Variants in FNBP1 observed in about 807,000 individuals in gnomAD.
The protein encoded by FNBP1 is formin binding protein 1.
Under a neutral mutation model 90.6 loss-of-function variants are expected in FNBP1, and 26 were observed. The observed-to-expected ratio is 0.29, with a 90% confidence interval of 0.21 to 0.40. The LOEUF is 0.40. Among genes scored for constraint, FNBP1 ranks in the 10% least tolerant of loss-of-function variants. The pLI is 1.00. For synonymous variants in FNBP1, 260 were observed against 265.2 expected (o/e 0.98, Z 0.19); for missense variants, 635 against 768.0 (o/e 0.83, Z 2.05).
chr9:129,970,709 C>T (rs566960855), intron 4 of FNBP1, among the ~76,000 whole-genome samples: 1 of 152,190 alleles, frequency 6.6e-6, no homozygotes, highest in South Asian at 2.1e-4. Flanking sequence ...AATGCAATTG[C>T]CCTAAGTGGA....
chr9:129,965,608 C>T (rs528519434), intron 4 of FNBP1, among the ~76,000 whole-genome samples: 20 of 152,074 alleles, frequency 1.3e-4, no homozygotes, highest in Middle Eastern at 3.4e-3. Context: ...TTTGAGAGGC[C>T]GAGGCAGGGG....
In FNBP1 at chr9:130,017,206, AG is replaced by A. The variant is rs757285026; in HGVS notation, c.25-22249del. Among the ~76,000 whole-genome samples the A allele has an allele frequency of 7.2e-5, 11 of 152,342 alleles. No individual in the cohort carries two copies. The East Asian group carries it at 1.7e-3, about 24-fold the overall frequency. On this transcript the variant is annotated intron_variant, in intron 1 of 16. Coordinates refer to ENST00000446176, the MANE Select transcript of FNBP1 (RefSeq NM_015033.3). ...AGATCAGCTGCAAAAAAAAGCTAAA[AG>A]TCTCTAGTACATGGCTGCCTTCCCT... is the stretch of plus-strand genomic sequence containing the variant.
At chr9:129,925,602 T>C (rs1348479585) in intron 8 of FNBP1, among the ~76,000 whole-genome samples, 2 of 128,912 alleles carry the variant, frequency 1.6e-5, no homozygotes, top group African/African-American at 2.9e-5. Context: ...TTTTTTTTTT[T>C]TTTTTTTTTT....
intron 4 of FNBP1, among the ~76,000 whole-genome samples, chr9:129,972,794 T>C (rs2049692118): frequency 6.6e-6 from 1 of 152,104 alleles, no homozygotes; most frequent in Admixed American, 6.5e-5. Context: ...GGCCTCCCAA[T>C]GTGCTGGGAT....
rs2058806991 is a variant in FNBP1, at chr9:130,031,628, A to G, written c.24+11324T>C. On this transcript the variant is annotated intron_variant, in intron 1 of 16. Coordinates refer to ENST00000446176, the MANE Select transcript of FNBP1 (RefSeq NM_015033.3). The surrounding 1 kb of genome is among the most constrained non-coding windows in gnomAD (Gnocchi z 4.2). ...GTACACATTTCCATGGAGTTACCCTACCTTAGTCCTTATTACACAATAATT... is the reference window on the plus strand; with the variant it reads ...GTACACATTTCCATGGAGTTACCCTGCCTTAGTCCTTATTACACAATAATT... Among the ~76,000 whole-genome samples the G allele has an allele frequency of 6.6e-6, 1 of 151,876 alleles. No homozygotes were observed. The highest frequency in any genetic ancestry group is 2.4e-5 in the African/African-American group (1 of 41,362).
At chr9:130,008,175 T>A (rs916902074) in intron 1 of FNBP1, among the ~76,000 whole-genome samples, 5 of 151,506 alleles carry the variant, frequency 3.3e-5, no homozygotes, top group South Asian at 4.2e-4. Flanking sequence ...CGAGACCCAC[T>A]CTGCACAAAA....
At chr9:129,899,460 C>G (rs1440984008) in intron 15 of FNBP1, among the ~76,000 whole-genome samples, 1 of 152,028 alleles carries the variant, frequency 6.6e-6, no homozygotes, top group Non-Finnish European at 1.5e-5. Flanking sequence ...CCTGTGATCA[C>G]AGCACTTTGG....
At chr9:130,015,601 T>G (rs543978165) in intron 1 of FNBP1, among the ~76,000 whole-genome samples, 3 of 152,232 alleles carry the variant, frequency 2.0e-5, no homozygotes, top group Non-Finnish European at 2.9e-5. Context: ...TGACTAGGAC[T>G]GAATACTACC....
At chr9:129,996,067 G>A (rs1046737824) in intron 1 of FNBP1, among the ~76,000 whole-genome samples, 2 of 152,170 alleles carry the variant, frequency 1.3e-5, no homozygotes, top group African/African-American at 4.8e-5. Context: ...ATTCCAGAGT[G>A]ACTTTCAGGT....
chr9:129,959,088 A>G (rs558528380), intron 4 of FNBP1, among the ~76,000 whole-genome samples: 1 of 151,724 alleles, frequency 6.6e-6, no homozygotes, highest in South Asian at 2.1e-4. Flanking sequence ...CTTGGGGGGA[A>G]AAAAAGCAGT....
rs780787179 is a variant in FNBP1, at chr9:129,923,983, G to C, written c.1031C>G (p.Pro344Arg). ...AGCAGAGGGTGAGGCAGAGGCAGGA[G>C]GGGGAGGGGGAGGCTGATGGGGGGA... Reference protein sequence around the residue: ...LTSPHQPPPPPPASASPSAVP... With the variant: ...LTSPHQPPPPRPASASPSAVP... Residue 344 changes from proline (P) to arginine (R), a missense_variant, in exon 10 of 17, where the codon CCT becomes CGT. Pro to Arg is a moderately radical substitution (Grantham distance 103, BLOSUM62 -2). Transcript: ENST00000446176. The C allele has an allele frequency of 6.5e-7, 1 of 1,528,012 alleles. No homozygotes were observed. The highest frequency in any genetic ancestry group is 2.5e-5 in the East Asian group (1 of 39,450). The allele number at this position is 1,528,012 out of a possible 1,614,324, so 94.7% of individuals were successfully genotyped here. A position where few individuals can be genotyped will look rare whatever the true frequency, so the allele number is the denominator to read the frequency against.
At chr9:130,010,294 T>C (rs143451122) in intron 1 of FNBP1, among the ~76,000 whole-genome samples, 1 of 152,270 alleles carries the variant, frequency 6.6e-6, no homozygotes, top group Non-Finnish European at 1.5e-5. Flanking sequence ...CCTGTCTTAT[T>C]ACAGGATCAC....
intron 1 of FNBP1, among the ~76,000 whole-genome samples, chr9:130,026,036 A>T (rs568509181): frequency 7.6e-4 from 115 of 152,306 alleles, no homozygotes; most frequent in African/African-American, 2.7e-3. Flanking sequence ...CTTATGGAGT[A>T]GGCACTATCA....
At chr9:129,916,099 A>G (rs2040219998) in intron 10 of FNBP1, 119 bp from the exon 11 acceptor site, 1 of 701,620 alleles carries the variant, frequency 1.4e-6, no homozygotes, top group African/African-American at 1.8e-5. Flanking sequence ...ATATTAAAAT[A>G]ACACACACGT....
chr9:130,043,713 G>C (rs2060016096), upstream of FNBP1, among the ~76,000 whole-genome samples: 1 of 152,204 alleles, frequency 6.6e-6, no homozygotes, highest in Non-Finnish European at 1.5e-5. Context: ...CGAGGCAAGC[G>C]CGACGGCCTC....
At chr9:129,959,512 CT>C in intron 4 of FNBP1, among the ~76,000 whole-genome samples, 1 of 152,044 alleles carries the variant, frequency 6.6e-6, no homozygotes, top group East Asian at 1.9e-4. Flanking sequence ...TTGCTTGAAC[CT>C]GGGAGGCAGA....
intron 1 of FNBP1, among the ~76,000 whole-genome samples, chr9:130,020,384 A>G (rs1364706819): frequency 6.6e-6 from 1 of 151,900 alleles, no homozygotes; most frequent in Non-Finnish European, 1.5e-5. Context: ...TAATTTTTGT[A>G]TTTTTAGTAG....
chr9:129,940,889 T>C (rs923594091), intron 6 of FNBP1, among the ~76,000 whole-genome samples: 6 of 151,828 alleles, frequency 4.0e-5, no homozygotes, highest in Non-Finnish European at 8.8e-5. Context: ...CCTCCCAAAG[T>C]GCTGAGATTA....
chr9:129,919,865 G>GC (rs2040828976), intron 10 of FNBP1, among the ~76,000 whole-genome samples: 1 of 152,214 alleles, frequency 6.6e-6, no homozygotes, highest in South Asian at 2.1e-4. Flanking sequence ...GGTAGGAAGG[G>GC]CTGTACCATG....
Sources: allele counts gnomAD v4.1 joint callset (sites outside exome capture counted in the v4.1 genomes callset), GRCh38; gene constraint gnomAD v4.1.1; non-coding constraint Gnocchi (gnomAD v3.1); transcripts MANE v1.5; gene names NCBI Gene and HGNC (gene_info 2026-07-23, HGNC 2026-07-21).